SAFB: variants seen among roughly 807,000 people sequenced by gnomAD.
SAFB encodes the protein scaffold attachment factor B.
Under a neutral mutation model 101.6 loss-of-function variants are expected in SAFB, and 15 were observed. The observed-to-expected ratio is 0.15, with a 90% CI of 0.10 to 0.23. The LOEUF is 0.23. SAFB is among the 10% of genes least tolerant of loss of function. The pLI, the probability that SAFB is intolerant of heterozygous loss-of-function variation, is 1.00. For missense variants in SAFB, 930 were observed against 1,104.1 expected (o/e 0.84, Z 2.23); for synonymous variants, 449 against 407.5 (o/e 1.10, Z -1.23).
Position 5,667,197 on chromosome 19 carries a change from C to A in SAFB, c.2453+33C>A, listed in dbSNP as rs1452369208. ...TCCCACACCCGACAGTACCTGACCC[C>A]CCCCCCGCCCACAAGGGGGCCCGCA... On this transcript the variant is annotated intron_variant, in intron 18 of 20. Transcript: ENST00000588852. This position sits in a 1 kb window ranked among gnomAD's most constrained non-coding sequence, Gnocchi z 4.0. 7.6e-7 allele frequency: 1 copy of A among 1,319,000 alleles called. No individual in the cohort carries two copies. Among genetic ancestry groups the A allele is most frequent in the African/African-American group, 1.5e-5 (1 of 68,306 alleles). The allele number at this position is 1,319,000 out of a possible 1,614,324, so 81.7% of individuals were successfully genotyped here. A position where few individuals can be genotyped will look rare whatever the true frequency, so the allele number is the denominator to read the frequency against.
chr19:5,658,419 C>A (rs1364797145), intron 14 of SAFB, among the ~76,000 whole-genome samples: 3 of 152,208 alleles, frequency 2.0e-5, no homozygotes, highest in Non-Finnish European at 4.4e-5. Flanking sequence ...TAAGGACCCC[C>A]CTGGGCGCAG....
intron 2 of SAFB, among the ~76,000 whole-genome samples, chr19:5,641,159 C>T (rs986785986): frequency 2.0e-5 from 3 of 152,190 alleles, no homozygotes; most frequent in Non-Finnish European, 4.4e-5. Flanking sequence ...CGTAAGCCAT[C>T]GCATCCGGCC....
At chr19:5,650,124 C>A in intron 8 of SAFB, 149 bp downstream of exon 8, 1 of 649,974 alleles carries the variant, frequency 1.5e-6, no homozygotes. Flanking sequence ...GCTGTTACCG[C>A]TACAGGTTCT....
intron 4 of SAFB, among the ~76,000 whole-genome samples, chr19:5,643,797 A>T (rs2053770214): frequency 6.7e-6 from 1 of 150,266 alleles, no homozygotes; most frequent in Non-Finnish European, 1.5e-5. Flanking sequence ...AGGGAGGTGG[A>T]GGTTGCAGTG....
At chr19:5,626,274 AGGTCCTG>A (rs2053358503) in intron 1 of SAFB, 124 bp from the exon 2 acceptor site, 3 of 627,322 alleles carry the variant, frequency 4.8e-6, no homozygotes, top group African/African-American at 3.7e-5. Context: ...GATGGGCCAC[AGGTCCTG>A]GGTGGTGAGG....
At chr19:5,660,112 A>G (rs984223016) in intron 14 of SAFB, among the ~76,000 whole-genome samples, 1 of 152,144 alleles carries the variant, frequency 6.6e-6, no homozygotes, top group Non-Finnish European at 1.5e-5. Context: ...ACAGAAACAC[A>G]CAGTTGTCCC....
chr19:5,664,698 A>T (rs1404351868), intron 17 of SAFB: 1 of 434,334 alleles, frequency 2.3e-6, no homozygotes, highest in African/African-American at 2.0e-5. Flanking sequence ...CTCACCACAC[A>T]TGTGCAACAG....
chr19:5,652,725 G>A (rs967370609), intron 9 of SAFB, among the ~76,000 whole-genome samples: 1 of 152,142 alleles, frequency 6.6e-6, no homozygotes, highest in African/African-American at 2.4e-5. Flanking sequence ...AGTCTGTGCC[G>A]AAGTCTTTTT....
At chr19:5,661,885 A>ATTTTT in intron 15 of SAFB, 77 bp downstream of exon 15, 3 of 833,054 alleles carry the variant, frequency 3.6e-6, no homozygotes, top group African/African-American at 1.8e-5. Flanking sequence ...TTAGCTTGAG[A>ATTTTT]TTTTTTTTTT....
chr19:5,648,032 C>A lies in SAFB; in HGVS notation c.626C>A (p.Ser209Tyr). ...FTILQEIEEP[S>Y]LEPENEKILD... ...TTCTTGCAGGAAATTGAAGAGCCAT[C>A]CCTGGAGCCAGGTACTGTTAAATGA... Residue 209 changes from serine (S) to tyrosine (Y), a missense_variant, in exon 6 of 21, where the codon TCC becomes TAC. This residue lies in a region of SAFB where 130 missense variants were observed against 114.2 expected (regional missense o/e 1.14). Transcript: ENST00000588852. The A allele has an allele frequency of 6.2e-7, 1 of 1,613,410 alleles. No individual in the cohort carries two copies. The highest frequency in any genetic ancestry group is 8.5e-7 in the Non-Finnish European group (1 of 1,179,502).
At chr19:5,630,166 T>G (rs1375173220) in intron 2 of SAFB, among the ~76,000 whole-genome samples, 1 of 152,238 alleles carries the variant, frequency 6.6e-6, no homozygotes, top group Non-Finnish European at 1.5e-5. Context: ...GCCTGTTATA[T>G]AGAAGAAAAG....
At position 5,667,969 on chromosome 19, in the gene SAFB, C is replaced by T; in HGVS notation, c.2624+83C>T. ...CTGGAGGCTTAACAACCAAGTCCTTCCAGCTAGTGCCCCTCCCCCCAAGGG... is the reference window on the plus strand; with the variant it reads ...CTGGAGGCTTAACAACCAAGTCCTTTCAGCTAGTGCCCCTCCCCCCAAGGG... On this transcript the variant is annotated intron_variant, in intron 20 of 20. Transcript: ENST00000588852. This position sits in a 1 kb window ranked among gnomAD's most constrained non-coding sequence, Gnocchi z 4.0. The T allele has an allele frequency of 6.9e-7, 1 of 1,455,278 alleles. No individual in the cohort carries two copies. The highest frequency in any genetic ancestry group is 1.8e-4 in the Middle Eastern group (1 of 5,536). The allele number at this position is 1,455,278 out of a possible 1,614,324, so 90.1% of individuals were successfully genotyped here.
At chr19:5,648,329 T>A (rs56007699) in intron 6 of SAFB, 6,983 of 422,390 alleles carry the variant, frequency 0.017, 453 homozygotes, top group African/African-American at 0.13. Flanking sequence ...AGAGAAAGAG[T>A]TCCAGATGCC....
chr19:5,629,074 G>A (rs544061084), intron 2 of SAFB, among the ~76,000 whole-genome samples: 3 of 152,276 alleles, frequency 2.0e-5, no homozygotes, highest in East Asian at 3.9e-4. Flanking sequence ...TTAGATTTCA[G>A]TTGTGAGCCA....
chr19:5,653,992 C>T, intron 11 of SAFB, 69 bp from the exon 12 acceptor site: 2 of 1,497,578 alleles, frequency 1.3e-6, no homozygotes, highest in Non-Finnish European at 1.8e-6. Flanking sequence ...CCGCCCGCCT[C>T]ATCCCCCCAA....
chr19:5,641,724 T>G lies in SAFB; in HGVS notation c.340-16T>G, dbSNP rs1186652993. On this transcript the variant is annotated splice_polypyrimidine_tract_variant and intron_variant, in intron 3 of 20. Transcript: ENST00000588852. ...CAGTGGCGGTCACATGATGGTTCGG[T>G]CTGGTTGTGTCACAGGAGGATGTTG... The G allele has an allele frequency of 1.2e-6, 2 of 1,613,906 alleles. No individual in the cohort carries two copies.
intron 2 of SAFB, among the ~76,000 whole-genome samples, chr19:5,629,706 A>G (rs2053447646): frequency 1.3e-5 from 2 of 152,262 alleles, no homozygotes; most frequent in South Asian, 4.1e-4. Context: ...TAACTTAGTG[A>G]AAGGAGAATT....
chr19:5,631,686 A>G (rs2053493108), intron 2 of SAFB, among the ~76,000 whole-genome samples: 1 of 152,148 alleles, frequency 6.6e-6, no homozygotes, highest in African/African-American at 2.4e-5. Flanking sequence ...TTTTTTAAAA[A>G]CTGCTTATAC....
chr19:5,641,779 G>T lies in SAFB; in HGVS notation c.379G>T (p.Asp127Tyr). The T allele has an allele frequency of 6.2e-7, 1 of 1,614,038 alleles. No individual in the cohort carries two copies. Among genetic ancestry groups the T allele is most frequent in the Non-Finnish European group, 8.5e-7 (1 of 1,180,020 alleles). ...ETSLENLQDIDIMDISVLDEA... is the reference protein window; with the variant it reads ...ETSLENLQDIYIMDISVLDEA... ...CAGTCTGGAGAACTTGCAGGACATC[G>T]ACATCATGGATATCAGTGTGTTGGA... Residue 127 changes from aspartate to tyrosine, a missense_variant, in exon 4 of 21, where the codon GAC (aspartate) becomes TAC (tyrosine). Asp to Tyr is a radical substitution (Grantham distance 160). Coordinates refer to ENST00000588852, the MANE Select transcript of SAFB (RefSeq NM_001201338.2).
Sources: allele counts gnomAD v4.1 joint callset (sites outside exome capture counted in the v4.1 genomes callset), GRCh38; gene constraint gnomAD v4.1.1; regional missense constraint gnomAD v4.1.1; non-coding constraint Gnocchi (gnomAD v3.1); transcripts MANE v1.5; gene names NCBI Gene and HGNC (gene_info 2026-07-23, HGNC 2026-07-21).